Variants in CDH3 observed in about 807,000 individuals in gnomAD.
CDH3 encodes the protein cadherin-3.
In CDH3, 54 loss-of-function variants were observed where a neutral mutation model predicts 82.0. The ratio of observed to expected loss-of-function variants is 0.66; its 90% CI spans 0.53 to 0.83. The LOEUF is 0.83. Ranked by LOEUF, CDH3 falls within the 40% of genes least tolerant of loss-of-function variation. The pLI is 0.00. For missense variants in CDH3, 1,054 were observed against 1,084.6 expected (o/e 0.97, Z 0.40); for synonymous variants, 446 against 437.9 (o/e 1.02, Z -0.23).
intron 2 of CDH3, among the ~76,000 whole-genome samples, chr16:68,653,908 G>A (rs1387337524): frequency 3.3e-5 from 5 of 151,394 alleles, no homozygotes; most frequent in African/African-American, 9.7e-5. Context: ...TAGTAGAGAC[G>A]AGGTTTCGCC....
chr16:68,654,163 G>A (rs979822901), intron 2 of CDH3, among the ~76,000 whole-genome samples: 1 of 147,940 alleles, frequency 6.8e-6, no homozygotes, highest in South Asian at 2.2e-4. Context: ...GGATTCAAGC[G>A]ATTCTCCTGC....
chr16:68,675,522 C>T (rs951751299), intron 2 of CDH3, among the ~76,000 whole-genome samples: 8 of 152,064 alleles, frequency 5.3e-5, no homozygotes, highest in Non-Finnish European at 8.8e-5. Flanking sequence ...GGCGGCTGGG[C>T]GCGGTGGCTC....
At chr16:68,646,255 A>C (rs1435941182) in intron 2 of CDH3, 2 of 171,588 alleles carry the variant, frequency 1.2e-5, no homozygotes, top group African/African-American at 4.8e-5. Flanking sequence ...CGGCAGCTGG[A>C]ATGCACTCTT....
In CDH3 at chr16:68,707,079, C is replaced by T. The variant is rs1469486005; in HGVS notation, c.99+11156C>T. On this transcript the variant is annotated intron_variant, in intron 1 of 2. Transcript: ENST00000569080. The surrounding 1 kb of genome is among the most constrained non-coding windows in gnomAD (Gnocchi z 4.5). ...TCAGTTCTAGGAGCCAGGGAAGGCACTGCTGGGAAGGTGGCATTTGGACAA... is the reference window on the plus strand; with the variant it reads ...TCAGTTCTAGGAGCCAGGGAAGGCATTGCTGGGAAGGTGGCATTTGGACAA... 6.6e-6 allele frequency among the ~76,000 whole-genome samples: 1 copy of T among 152,170 alleles called. No homozygotes were observed. Among genetic ancestry groups the T allele is most frequent in the Non-Finnish European group, 1.5e-5 (1 of 68,032 alleles).
downstream of CDH3, among the ~76,000 whole-genome samples, chr16:68,703,534 C>T (rs530190450): frequency 3.9e-5 from 6 of 152,350 alleles, no homozygotes; most frequent in African/African-American, 1.2e-4. Flanking sequence ...GCAGAACCCA[C>T]CTTCTGGCCT....
At chr16:68,685,411 C>G in intron 11 of CDH3, 61 bp downstream of exon 11, 1 of 1,549,942 alleles carries the variant, frequency 6.5e-7, no homozygotes, top group Non-Finnish European at 8.9e-7. Context: ...TCACATGACA[C>G]AGCACAGCAT....
At chr16:68,695,466 A>G in intron 14 of CDH3, 81 bp downstream of exon 14, 1 of 1,424,712 alleles carries the variant, frequency 7.0e-7, no homozygotes, top group Non-Finnish European at 9.6e-7. Flanking sequence ...CCAACTGACC[A>G]AGTTAGCTGT....
intron 12 of CDH3, among the ~76,000 whole-genome samples, chr16:68,690,686 A>G (rs956446676): frequency 6.6e-6 from 1 of 152,140 alleles, no homozygotes; most frequent in African/African-American, 2.4e-5. Flanking sequence ...AGGAAGGTGG[A>G]TCACGAGGTC....
intron 1 of CDH3, among the ~76,000 whole-genome samples, chr16:68,720,086 G>A (rs1962144049): frequency 6.6e-6 from 1 of 152,134 alleles, no homozygotes. Context: ...GAGCCCAGGA[G>A]GTCGAGGCTG....
intron 1 of CDH3, among the ~76,000 whole-genome samples, chr16:68,710,799 T>C (rs1024290132): frequency 6.7e-6 from 1 of 149,104 alleles, no homozygotes. Context: ...GAGCCGAGAT[T>C]GAGTGACTGC....
At chr16:68,666,752 T>A (rs1181705182) in intron 2 of CDH3, among the ~76,000 whole-genome samples, 1 of 152,220 alleles carries the variant, frequency 6.6e-6, no homozygotes, top group Non-Finnish European at 1.5e-5. Context: ...TAAATGGCTT[T>A]ATGACCTGCT....
chr16:68,659,049 G>A (rs982698072), intron 2 of CDH3, among the ~76,000 whole-genome samples: 8 of 152,134 alleles, frequency 5.3e-5, no homozygotes, highest in African/African-American at 1.9e-4. Context: ...GACAGATAAA[G>A]TTCTTAGTAC....
At chr16:68,712,563 G>A (rs1262394855) in intron 1 of CDH3, among the ~76,000 whole-genome samples, 2 of 151,976 alleles carry the variant, frequency 1.3e-5, no homozygotes, top group Non-Finnish European at 2.9e-5. Flanking sequence ...TTTCTAAGAT[G>A]AAAATCCAAT....
At chr16:68,695,516 C>G (rs913447196) in intron 14 of CDH3, 131 bp downstream of exon 14, 17 of 971,908 alleles carry the variant, frequency 1.7e-5, no homozygotes, top group Non-Finnish European at 2.6e-5. Context: ...TCTTCCTTTT[C>G]TAACATCCTC....
At chr16:68,724,197 T>G (rs1195435615) in intron 2 of CDH3, among the ~76,000 whole-genome samples, 1 of 152,144 alleles carries the variant, frequency 6.6e-6, no homozygotes, top group Non-Finnish European at 1.5e-5. Flanking sequence ...ACTGCGCCAC[T>G]GCACTCCAGC....
At position 68,680,913 on chromosome 16, in the gene CDH3, G is replaced by A. The variant is rs201691736; in HGVS notation, c.868-55G>A. 2.2e-4 allele frequency: 349 copies of A among 1,608,750 alleles called. 8 individuals are homozygous for A. In the South Asian group the frequency reaches 3.7e-3, roughly 17 times the overall value. On this transcript the variant is annotated intron_variant, in intron 7 of 15. Transcript: ENST00000264012. ...GAGCCAGTGCTTCCTGGAGGTCAGG[G>A]GAGGGACCCTTCAGATTAAACTCAC...
At chr16:68,715,384 G>A (rs2152110566) in intron 1 of CDH3, among the ~76,000 whole-genome samples, 1 of 148,430 alleles carries the variant, frequency 6.7e-6, no homozygotes, top group East Asian at 2.0e-4. Context: ...CCAAGATGGT[G>A]TCACTGCACT....
intron 2 of CDH3, among the ~76,000 whole-genome samples, chr16:68,660,059 G>C (rs1214422243): frequency 6.6e-6 from 1 of 151,892 alleles, no homozygotes; most frequent in Non-Finnish European, 1.5e-5. Flanking sequence ...GTAGGGAAGA[G>C]TTAACATCAA....
At chr16:68,686,834 G>A (rs1472063323) in intron 11 of CDH3, among the ~76,000 whole-genome samples, 1 of 152,178 alleles carries the variant, frequency 6.6e-6, no homozygotes. Flanking sequence ...TGGGTGTGGT[G>A]GCACACGCCT....
Sources: gnomAD v4.1 joint callset for allele counts (sites outside exome capture counted in the v4.1 genomes callset) on GRCh38, gnomAD v4.1.1 for gene constraint, Gnocchi (gnomAD v3.1) non-coding constraint, MANE v1.5 for transcripts, NCBI Gene and HGNC (gene_info 2026-07-23, HGNC 2026-07-21) for gene names.